RB1: variants seen among roughly 807,000 people sequenced by gnomAD.
The protein encoded by RB1 is RB transcriptional corepressor 1.
In RB1, 18 loss-of-function variants were observed where a neutral mutation model predicts 135.4. The observed-to-expected ratio is 0.13, with a 90% CI of 0.09 to 0.20. RB1 has a LOEUF of 0.20. Ranked by LOEUF, RB1 falls within the 10% of genes least tolerant of loss-of-function variation. The pLI, the probability that RB1 is intolerant of heterozygous loss-of-function variation, is 1.00. For missense variants in RB1, 868 were observed against 1,110.0 expected (o/e 0.78, Z 3.10); for synonymous variants, 365 against 373.2 (o/e 0.98, Z 0.25).
At chr13:48,383,867 C>G (rs923318394) in intron 17 of RB1, among the ~76,000 whole-genome samples, 3 of 152,006 alleles carry the variant, frequency 2.0e-5, no homozygotes, top group Admixed American at 2.0e-4. Context: ...TGAGATATTC[C>G]TGTATCATCT....
At chr13:48,411,712 A>C in intron 17 of RB1, 1 of 1,605,370 alleles carries the variant, frequency 6.2e-7, no homozygotes, top group Non-Finnish European at 8.5e-7. Flanking sequence ...CAGAAACAGA[A>C]TATGATCAAA....
chr13:48,420,706 A>C (rs765678610), intron 17 of RB1, among the ~76,000 whole-genome samples: 9 of 152,240 alleles, frequency 5.9e-5, no homozygotes, highest in Non-Finnish European at 1.2e-4. Context: ...ATACAAAATT[A>C]ATGTGCAGAA....
chr13:48,474,403 G>T (rs905412923), intron 24 of RB1, among the ~76,000 whole-genome samples: 1 of 152,072 alleles, frequency 6.6e-6, no homozygotes, highest in Admixed American at 6.6e-5. Context: ...AATTCGAAGG[G>T]TTTTAGGAGC....
chr13:48,449,109 G>GT (rs201314175), intron 17 of RB1, among the ~76,000 whole-genome samples: 2,721 of 150,608 alleles, frequency 0.018, 81 homozygotes, highest in African/African-American at 0.062. Context: ...CGTAATCGCC[G>GT]TTTTTTTTTC....
At chr13:48,421,025 GA>G (rs1948997199) in intron 17 of RB1, among the ~76,000 whole-genome samples, 2 of 152,050 alleles carry the variant, frequency 1.3e-5, no homozygotes, top group African/African-American at 4.8e-5. Flanking sequence ...TATAAAATTA[GA>G]AAAAACTACT....
At chr13:48,454,847 A>G (rs182926771) in intron 18 of RB1, among the ~76,000 whole-genome samples, 12 of 152,362 alleles carry the variant, frequency 7.9e-5, no homozygotes, top group Admixed American at 2.0e-4. Flanking sequence ...AGCTGGATTT[A>G]GGAACAGAAA....
intron 17 of RB1, among the ~76,000 whole-genome samples, chr13:48,449,884 G>A (rs1014839288): frequency 3.9e-5 from 6 of 152,110 alleles, no homozygotes; most frequent in African/African-American, 1.4e-4. Context: ...AATTTAGTTT[G>A]TTGTAGTTTT....
rs1949434149 is a variant in RB1 at position 48,465,392 on chromosome 13, G to A, written c.2489+24G>A. On this transcript the variant is annotated intron_variant, in intron 23 of 26. Coordinates refer to ENST00000267163, the MANE Select transcript of RB1 (RefSeq NM_000321.3). ...AGGTGTGTGTTTTCTCTTTAGGGAA[G>A]TAGTAAAGAATGAGAGGGGGATTAT... The A allele has an allele frequency of 1.9e-6, 3 of 1,559,548 alleles. No homozygotes were observed. In the South Asian group the frequency reaches 3.3e-5, roughly 17 times the overall value.
At chr13:48,318,096 C>T in intron 2 of RB1, 1 of 533,714 alleles carries the variant, frequency 1.9e-6, no homozygotes, top group Admixed American at 3.0e-5. Flanking sequence ...GGCAGAGGCG[C>T]ATCCCCTCAC....
chr13:48,352,038 A>G (rs1952553494), intron 6 of RB1, among the ~76,000 whole-genome samples: 2 of 152,146 alleles, frequency 1.3e-5, no homozygotes, highest in South Asian at 2.1e-4. Context: ...TCCAGCTTCA[A>G]TCTTCTGCAT....
At chr13:48,384,536 G>A (rs183756208) in intron 17 of RB1, among the ~76,000 whole-genome samples, 1 of 152,158 alleles carries the variant, frequency 6.6e-6, no homozygotes, top group Non-Finnish European at 1.5e-5. Context: ...ACACATCCGT[G>A]TAAACAACAC....
intron 26 of RB1, among the ~76,000 whole-genome samples, chr13:48,477,753 C>G (rs185431233): frequency 6.3e-4 from 96 of 152,214 alleles, no homozygotes; most frequent in African/African-American, 2.3e-3. Flanking sequence ...TTTTATAAAC[C>G]TAGCATATGT....
chr13:48,325,225 G>T (rs1302952865), intron 2 of RB1, among the ~76,000 whole-genome samples: 1 of 152,086 alleles, frequency 6.6e-6, no homozygotes, highest in South Asian at 2.1e-4. Context: ...GTGAGAACAT[G>T]CAGCATTTGG....
intron 2 of RB1, chr13:48,320,116 A>G: frequency 1.4e-6 from 1 of 720,202 alleles, no homozygotes. Flanking sequence ...CGGAATCATC[A>G]TTGAATCTAG....
chr13:48,461,323 T>C (rs575996039), intron 20 of RB1, among the ~76,000 whole-genome samples: 2 of 152,360 alleles, frequency 1.3e-5, no homozygotes, highest in African/African-American at 2.4e-5. Context: ...TTCATCTGTA[T>C]TGTAGCTTGT....
At chr13:48,304,266 G>A (rs925120150) in intron 1 of RB1, among the ~76,000 whole-genome samples, 1 of 152,138 alleles carries the variant, frequency 6.6e-6, no homozygotes, top group Non-Finnish European at 1.5e-5. Flanking sequence ...AACTTGACAG[G>A]TGTCGGGCGG....
At chr13:48,373,575 T>A in intron 12 of RB1, 83 bp downstream of exon 12, 1 of 849,538 alleles carries the variant, frequency 1.2e-6, no homozygotes, top group South Asian at 1.4e-5. Context: ...GAGTTCTTTT[T>A]AAAATACTAA....
chr13:48,423,557 G>T (rs2854344), intron 17 of RB1, among the ~76,000 whole-genome samples: 2 of 152,036 alleles, frequency 1.3e-5, no homozygotes, highest in African/African-American at 2.4e-5. Context: ...ATAAGACACC[G>T]TGTTCTTTTA....
chr13:48,319,266 G>T lies in RB1; in HGVS notation c.264+11860G>T. 1.2e-6 allele frequency: 1 copy of T among 813,126 alleles called. No individual in the cohort carries two copies. The highest frequency in any genetic ancestry group is 1.9e-6 in the Non-Finnish European group (1 of 538,566). The allele number at this position is 813,126 out of a possible 1,614,324, so 50.4% of individuals were successfully genotyped here. A position where few individuals can be genotyped will look rare whatever the true frequency, so the allele number is the denominator to read the frequency against. The stretch of plus-strand genomic sequence containing the variant: ...GCGCAAGGCACTTTTTTGTGGCGCT[G>T]CTTGTGCTGTGTGCGGGGTCAGGCG... On this transcript the variant is annotated intron_variant, in intron 2 of 26. Transcript: ENST00000267163. The surrounding 1 kb of genome is among the most constrained non-coding windows in gnomAD (Gnocchi z 5.0).
Sources: gnomAD v4.1 joint callset for allele counts (sites outside exome capture counted in the v4.1 genomes callset) on GRCh38, gnomAD v4.1.1 for gene constraint, Gnocchi (gnomAD v3.1) non-coding constraint, MANE v1.5 for transcripts, NCBI Gene and HGNC (gene_info 2026-07-23, HGNC 2026-07-21) for gene names.